Variants in CPSF2 observed in about 807,000 individuals in gnomAD.
CPSF2 encodes cleavage and polyadenylation specificity factor subunit 2.
In CPSF2, 51 loss-of-function variants were observed where a neutral mutation model predicts 84.2. The ratio of observed to expected loss-of-function variants is 0.61; its 90% CI spans 0.48 to 0.77. CPSF2 has a LOEUF of 0.77. Among genes scored for constraint, CPSF2 ranks in the 30% least tolerant of loss-of-function variants. The probability of loss-of-function intolerance (pLI) is 0.00; values close to 1 mark genes in which losing one functional copy is unlikely to be tolerated. For missense variants in CPSF2, 641 were observed against 929.4 expected (o/e 0.69, Z 4.03); for synonymous variants, 286 against 311.9 (o/e 0.92, Z 0.87).
At chr14:92,133,918 G>C (rs558576067) in intron 3 of CPSF2, 93 bp from the exon 4 acceptor site, 2 of 1,312,132 alleles carry the variant, frequency 1.5e-6, no homozygotes, top group Non-Finnish European at 1.1e-6. Context: ...CCCCAGTGTA[G>C]TCTTCAATCC....
At chr14:92,158,433 A>G (rs547136440) in intron 13 of CPSF2, among the ~76,000 whole-genome samples, 4 of 152,310 alleles carry the variant, frequency 2.6e-5, no homozygotes, top group African/African-American at 9.6e-5. Context: ...AGTGATGTCT[A>G]TATCTGGAAG....
intron 3 of CPSF2, among the ~76,000 whole-genome samples, chr14:92,131,520 A>G (rs2068929160): frequency 2.0e-5 from 3 of 152,146 alleles, no homozygotes; most frequent in Admixed American, 2.0e-4. Context: ...CAGAATGACC[A>G]TGAGATACTG....
chr14:92,157,631 A>G lies in CPSF2; in HGVS notation c.1596-28A>G, dbSNP rs763653127. Reference sequence around the variant, plus strand: ...TTTTTTTTAGAATTATGAGAAAAGTAATCTTGAATAATCATATCTAATTAC... The same window carrying G: ...TTTTTTTTAGAATTATGAGAAAAGTGATCTTGAATAATCATATCTAATTAC... On this transcript the variant is annotated intron_variant, in intron 12 of 15. Coordinates refer to ENST00000298875, the MANE Select transcript of CPSF2 (RefSeq NM_017437.3). The surrounding 1 kb of genome is among the most constrained non-coding windows in gnomAD (Gnocchi z 4.0). 3 of 1,535,222 alleles carry G rather than the reference A, an allele frequency of 2.0e-6. No individual in the cohort carries two copies. In the East Asian group the frequency reaches 6.8e-5, roughly 35 times the overall value.
chr14:92,145,421 A>AT (rs1251853669), intron 9 of CPSF2, among the ~76,000 whole-genome samples: 2 of 152,268 alleles, frequency 1.3e-5, no homozygotes, highest in South Asian at 4.1e-4. Flanking sequence ...CTTAGCAGTC[A>AT]TTTTAAGGAA....
Position 92,134,396 on chromosome 14 carries a change from G to T in CPSF2, c.415+41G>T, listed in dbSNP as rs572034512. ...AGTAGTAAGTATTTAGATGAATGGG[G>T]TTTAACTTGCTGGAAAATACCGAGG... On this transcript the variant is annotated intron_variant, in intron 5 of 15. Coordinates refer to ENST00000298875, the MANE Select transcript of CPSF2 (RefSeq NM_017437.3). 25 of 1,311,844 alleles carry T rather than the reference G, an allele frequency of 1.9e-5. No homozygotes were observed. In the African/African-American group the frequency reaches 3.5e-4, roughly 18 times the overall value. 81.3% of individuals were successfully genotyped at this position (1,311,844 alleles called of 1,614,324 possible). A position where few individuals can be genotyped will look rare whatever the true frequency, so the allele number is the denominator to read the frequency against.
In CPSF2 at chr14:92,169,128, A is replaced by G. The variant is rs2069487103; in HGVS notation, c.*7384A>G. 2.0e-5 allele frequency: 3 copies of G among 152,236 alleles called. No homozygotes were observed. Among genetic ancestry groups the G allele is most frequent in the African/African-American group, 2.4e-5 (1 of 41,474 alleles). The allele number at this position is 152,236 out of a possible 1,614,324, so 9.4% of individuals were successfully genotyped here. A position where few individuals can be genotyped will look rare whatever the true frequency, so the allele number is the denominator to read the frequency against. On this transcript the variant is annotated 3_prime_UTR_variant, in exon 16 of 16. Coordinates refer to ENST00000298875, the MANE Select transcript of CPSF2 (RefSeq NM_017437.3). ...AAGCACATACTGTACAGTCAAAACT[A>G]TCAGACGTAACTCTGTGGGAAACTT... is the stretch of plus-strand genomic sequence containing the variant.
intron 9 of CPSF2, 52 bp from the exon 10 acceptor site, chr14:92,154,305 AC>A: frequency 7.6e-7 from 1 of 1,320,242 alleles, no homozygotes; most frequent in East Asian, 2.4e-5. Flanking sequence ...CACTGCTTTA[AC>A]CCCCTAATAT....
At chr14:92,158,891 T>G (rs185580017) in intron 13 of CPSF2, 92 bp from the exon 14 acceptor site, 1 of 1,198,044 alleles carries the variant, frequency 8.3e-7, no homozygotes. Flanking sequence ...TTTAACATAT[T>G]ACCAGAGGTA....
intron 2 of CPSF2, among the ~76,000 whole-genome samples, chr14:92,129,187 C>T (rs545307983): frequency 6.6e-6 from 1 of 152,154 alleles, no homozygotes; most frequent in African/African-American, 2.4e-5. Flanking sequence ...CTTGAGAAGG[C>T]CGTAAGAGGA....
At chr14:92,152,439 A>G (rs2141476097) in intron 9 of CPSF2, among the ~76,000 whole-genome samples, 1 of 144,940 alleles carries the variant, frequency 6.9e-6, no homozygotes, top group South Asian at 2.2e-4. Flanking sequence ...TATTATTATT[A>G]TTAATTTATT....
At chr14:92,137,783 A>C (rs1204080491) in intron 6 of CPSF2, among the ~76,000 whole-genome samples, 1 of 152,230 alleles carries the variant, frequency 6.6e-6, no homozygotes, top group African/African-American at 2.4e-5. Flanking sequence ...GTGTAGACAC[A>C]ATAAAATGTT....
chr14:92,134,990 CTG>C (rs201818500), intron 5 of CPSF2, among the ~76,000 whole-genome samples: 13 of 152,232 alleles, frequency 8.5e-5, no homozygotes, highest in African/African-American at 3.1e-4. Context: ...TTAAATTATT[CTG>C]TTAGTTTAGA....
chr14:92,157,580 T>C lies in CPSF2; in HGVS notation c.1596-79T>C. Reference sequence around the variant, plus strand: ...GTGTATTTCTCAAATCCTAGTGTTATATATTGTATACATGATAAAAGCCAT... The same window carrying C: ...GTGTATTTCTCAAATCCTAGTGTTACATATTGTATACATGATAAAAGCCAT... On this transcript the variant is annotated intron_variant, in intron 12 of 15. Transcript: ENST00000298875. The surrounding 1 kb of genome is among the most constrained non-coding windows in gnomAD (Gnocchi z 4.0). The C allele has an allele frequency of 1.2e-6, 1 of 816,578 alleles. No homozygotes were observed. Among genetic ancestry groups the C allele is most frequent in the South Asian group, 1.6e-5 (1 of 60,996 alleles). The allele number at this position is 816,578 out of a possible 1,614,324, so 50.6% of individuals were successfully genotyped here. A position where few individuals can be genotyped will look rare whatever the true frequency, so the allele number is the denominator to read the frequency against.
intron 9 of CPSF2, among the ~76,000 whole-genome samples, chr14:92,151,368 G>C (rs1410372114): frequency 1.3e-5 from 2 of 151,492 alleles, no homozygotes; most frequent in Admixed American, 1.3e-4. Flanking sequence ...ACTCATCGTA[G>C]GCAACAGAGT....
chr14:92,137,919 G>C lies in CPSF2; in HGVS notation c.546-313G>C, dbSNP rs143984727. Among the ~76,000 whole-genome samples the C allele has an allele frequency of 6.0e-4, 91 of 152,148 alleles. No homozygotes were observed. The East Asian group carries it at 0.012, about 21-fold the overall frequency. ...CTTTGTAAAATACATATGTATATCA[G>C]TACTTACCATAAGACAGGGCAAAAA... On this transcript the variant is annotated intron_variant, in intron 6 of 15. Coordinates refer to ENST00000298875, the MANE Select transcript of CPSF2 (RefSeq NM_017437.3).
intron 15 of CPSF2, among the ~76,000 whole-genome samples, 199 bp from the exon 16 acceptor site, chr14:92,161,453 A>G (rs943534284): frequency 6.6e-6 from 1 of 152,214 alleles, no homozygotes; most frequent in African/African-American, 2.4e-5. Flanking sequence ...ATTTTATTGT[A>G]AATTTTAATT....
rs982441421 is a variant in CPSF2 at position 92,168,356 on chromosome 14, G to T, written c.*6612G>T. ...TGTTTATTTTTTTACCTCCTCTTTG[G>T]TTTTTGTCTCACTTGAAGCACTTTG... is the stretch of plus-strand genomic sequence containing the variant. On this transcript the variant is annotated 3_prime_UTR_variant, in exon 16 of 16. Transcript: ENST00000298875. The T allele has an allele frequency of 1.3e-5, 2 of 151,632 alleles. No individual in the cohort carries two copies. Among genetic ancestry groups the T allele is most frequent in the African/African-American group, 4.8e-5 (2 of 41,260 alleles). The allele number at this position is 151,632 out of a possible 1,614,324, so 9.4% of individuals were successfully genotyped here. A position where few individuals can be genotyped will look rare whatever the true frequency, so the allele number is the denominator to read the frequency against.
At chr14:92,161,267 G>A (rs767090726) in intron 15 of CPSF2, 21 bp downstream of exon 15, 2 of 1,597,254 alleles carry the variant, frequency 1.3e-6, no homozygotes, top group East Asian at 2.3e-5. Context: ...TTTCAATAAG[G>A]GCTGAATTGA....
intron 5 of CPSF2, 99 bp from the exon 6 acceptor site, chr14:92,135,268 A>C: frequency 9.5e-7 from 1 of 1,052,072 alleles, no homozygotes. Context: ...GTATTATTGC[A>C]TATACAGTAT....
Sources: gnomAD v4.1 joint callset for allele counts (sites outside exome capture counted in the v4.1 genomes callset) on GRCh38, gnomAD v4.1.1 for gene constraint, Gnocchi (gnomAD v3.1) non-coding constraint, MANE v1.5 for transcripts, NCBI Gene and HGNC (gene_info 2026-07-23, HGNC 2026-07-21) for gene names.